The following OOEP variants were observed in gnomAD, a reference collection of about 807,000 sequenced individuals.
OOEP encodes oocyte-expressed protein homolog.
OOEP carries 16 observed loss-of-function variants against 13.7 expected under a neutral mutation model. The observed-to-expected ratio is 1.16, with a 90% CI of 0.79 to 1.77. The LOEUF (loss-of-function observed/expected upper bound fraction) is 1.77, where lower values mean the gene tolerates loss of function less well. Among genes scored for constraint, OOEP ranks in the 40% most tolerant of loss-of-function variants. The pLI, the probability that OOEP is intolerant of heterozygous loss-of-function variation, is 0.00. For missense variants in OOEP, 195 were observed against 193.1 expected, an observed-to-expected ratio of 1.01 and a Z score of -0.06; for synonymous variants, 89 against 77.1, an observed-to-expected ratio of 1.15 and a Z score of -0.81.
exon 1 of OOEP, chr6:73,394,887 C>A: frequency 6.2e-7 from 1 of 1,612,598 alleles, no homozygotes; most frequent in Non-Finnish European, 8.5e-7. Flanking sequence ...CGACGTCGGA[C>A]GCGCCCCTTC....
At chr6:73,376,560 C>T (rs1482860384) in intron 2 of OOEP, among the ~76,000 whole-genome samples, 1 of 151,962 alleles carries the variant, frequency 6.6e-6, no homozygotes, top group Non-Finnish European at 1.5e-5. Flanking sequence ...GCAACCTCCA[C>T]CTCCCGAGTT....
chr6:73,387,197 C>T (rs1423228080), intron 2 of OOEP, among the ~76,000 whole-genome samples: 2 of 151,514 alleles, frequency 1.3e-5, no homozygotes, highest in Non-Finnish European at 2.9e-5. Context: ...AAATTCAAAA[C>T]TTTGGAAGTA....
upstream of OOEP, among the ~76,000 whole-genome samples, chr6:73,371,820 C>T (rs191209482): frequency 2.6e-3 from 400 of 152,052 alleles, 1 homozygote; most frequent in Middle Eastern, 0.01. Flanking sequence ...CCCAGCTACT[C>T]GAAAGGATGA....
At chr6:73,379,315 T>A (rs895139960) in intron 2 of OOEP, among the ~76,000 whole-genome samples, 18 of 146,544 alleles carry the variant, frequency 1.2e-4, no homozygotes, top group Admixed American at 6.1e-4. Flanking sequence ...TGAGCCACCA[T>A]GCCTGGCCTG....
At chr6:73,377,033 C>T (rs1582626208) in intron 2 of OOEP, among the ~76,000 whole-genome samples, 2 of 152,160 alleles carry the variant, frequency 1.3e-5, no homozygotes, top group East Asian at 1.9e-4. Flanking sequence ...GGTTCTTTGG[C>T]TACATCCTTA....
At chr6:73,379,111 A>T (rs1042731096) in intron 2 of OOEP, among the ~76,000 whole-genome samples, 1 of 151,326 alleles carries the variant, frequency 6.6e-6, no homozygotes, top group East Asian at 2.0e-4. Flanking sequence ...TGCAACCTCT[A>T]CCTCCAGGGT....
intron 2 of OOEP, among the ~76,000 whole-genome samples, chr6:73,378,991 G>A (rs1034097978): frequency 6.6e-6 from 1 of 152,024 alleles, no homozygotes; most frequent in African/African-American, 2.4e-5. Flanking sequence ...TATAACTCAC[G>A]TTAACATGGA....
At chr6:73,369,447 A>C in intron 1 of OOEP, 62 bp from the exon 2 acceptor site, 3 of 1,555,774 alleles carry the variant, frequency 1.9e-6, no homozygotes, top group Non-Finnish European at 1.7e-6. Context: ...CTGGATTTGA[A>C]GGGAATGTTG....
chr6:73,380,279 G>A (rs1008699633), intron 2 of OOEP, among the ~76,000 whole-genome samples: 12 of 140,532 alleles, frequency 8.5e-5, no homozygotes, highest in Admixed American at 1.5e-4. Context: ...ACAGGGTCTC[G>A]CTCTGTTGCC....
At chr6:73,390,750 TTTTC>T (rs964088574) in intron 2 of OOEP, among the ~76,000 whole-genome samples, 2 of 146,670 alleles carry the variant, frequency 1.4e-5, no homozygotes, top group African/African-American at 2.5e-5. Context: ...CTAATTTTTT[TTTTC>T]TTTTTTTTTC....
At chr6:73,376,318 G>A (rs896573971) in intron 2 of OOEP, among the ~76,000 whole-genome samples, 1 of 142,622 alleles carries the variant, frequency 7.0e-6, no homozygotes, top group Non-Finnish European at 1.5e-5. Context: ...TGACAACTCA[G>A]TCGCAGCTGT....
At chr6:73,372,429 C>T (rs922723052), upstream of OOEP, among the ~76,000 whole-genome samples, 3 of 152,256 alleles carry the variant, frequency 2.0e-5, no homozygotes, top group East Asian at 3.9e-4. Flanking sequence ...GTTATTTCTT[C>T]CTCAAGGAAG....
At chr6:73,382,116 T>A (rs968730586) in intron 2 of OOEP, among the ~76,000 whole-genome samples, 1 of 152,048 alleles carries the variant, frequency 6.6e-6, no homozygotes, top group African/African-American at 2.4e-5. Flanking sequence ...GGTGTGATCA[T>A]GGCTCACTGC....
At chr6:73,392,190 T>G (rs1219451742) in intron 2 of OOEP, among the ~76,000 whole-genome samples, 1 of 152,202 alleles carries the variant, frequency 6.6e-6, no homozygotes, top group Non-Finnish European at 1.5e-5. Flanking sequence ...AAATCCTTAA[T>G]AAAATCTCAG....
intron 2 of OOEP, among the ~76,000 whole-genome samples, chr6:73,382,746 A>C (rs948518692): frequency 6.7e-6 from 1 of 148,792 alleles, no homozygotes; most frequent in African/African-American, 2.5e-5. Flanking sequence ...TAGAGATGGG[A>C]TCTCACTATG....
At chr6:73,378,762 G>A (rs1769164561) in intron 2 of OOEP, among the ~76,000 whole-genome samples, 1 of 151,750 alleles carries the variant, frequency 6.6e-6, no homozygotes, top group Non-Finnish European at 1.5e-5. Flanking sequence ...TACTTGGGAG[G>A]CTGAGGTAGG....
chr6:73,384,218 T>TA (rs1010439211), intron 2 of OOEP, among the ~76,000 whole-genome samples: 37 of 152,170 alleles, frequency 2.4e-4, no homozygotes, highest in Admixed American at 9.8e-4. Context: ...ATGGAATGAA[T>TA]AAGTTCCTAG....
At chr6:73,370,659 A>G (rs1394408007), upstream of OOEP, among the ~76,000 whole-genome samples, 9 of 152,204 alleles carry the variant, frequency 5.9e-5, no homozygotes, top group Admixed American at 5.9e-4. Flanking sequence ...TAGTGTGTAT[A>G]TATCATCCCC....
upstream of OOEP, among the ~76,000 whole-genome samples, chr6:73,374,082 T>A (rs150352858): frequency 4.8e-4 from 73 of 151,942 alleles, no homozygotes; most frequent in African/African-American, 1.6e-3. Flanking sequence ...TCCCAGCTAC[T>A]CGGGAAGCTG....
Sources: allele counts gnomAD v4.1 joint callset (sites outside exome capture counted in the v4.1 genomes callset), GRCh38; gene constraint gnomAD v4.1.1; transcripts MANE v1.5; gene names NCBI Gene and HGNC (gene_info 2026-07-23, HGNC 2026-07-21).